The following RAD51B variants were observed in gnomAD, a reference collection of about 807,000 sequenced individuals.
RAD51B encodes DNA repair protein RAD51 homolog 2.
RAD51B carries 38 observed loss-of-function variants against 42.2 expected under a neutral mutation model. The observed-to-expected ratio is 0.90, with a 90% CI of 0.70 to 1.18. The LOEUF (loss-of-function observed/expected upper bound fraction) is 1.18. RAD51B is among the 50% of genes most tolerant of loss of function. The pLI is 0.00. For missense variants in RAD51B, 373 were observed against 400.7 expected (o/e 0.93, Z 0.59); for synonymous variants, 154 against 145.2 (o/e 1.06, Z -0.43).
chr14:68,677,711 G>A (rs1245416293), intron 11 of RAD51B, among the ~76,000 whole-genome samples: 4 of 152,304 alleles, frequency 2.6e-5, no homozygotes, highest in South Asian at 2.1e-4. Context: ...GACACCATCC[G>A]TGTAGTAAGG....
chr14:68,398,015 A>C (rs2083975951), intron 8 of RAD51B, among the ~76,000 whole-genome samples: 1 of 152,194 alleles, frequency 6.6e-6, no homozygotes, highest in African/African-American at 2.4e-5. Context: ...CTTCCCAAAG[A>C]GGCTGATGGA....
chr14:68,299,550 T>C (rs1325367916), intron 8 of RAD51B, among the ~76,000 whole-genome samples: 3 of 152,180 alleles, frequency 2.0e-5, no homozygotes, highest in Non-Finnish European at 4.4e-5. Context: ...CCATTTTATA[T>C]AAAGGACTTG....
chr14:68,176,230 T>C (rs2078960200), intron 7 of RAD51B, among the ~76,000 whole-genome samples: 1 of 152,204 alleles, frequency 6.6e-6, no homozygotes, highest in Non-Finnish European at 1.5e-5. Flanking sequence ...AAGTAACACG[T>C]ATCTATTTTT....
At chr14:68,581,596 G>T (rs1186336806) in intron 10 of RAD51B, among the ~76,000 whole-genome samples, 1 of 152,132 alleles carries the variant, frequency 6.6e-6, no homozygotes, top group African/African-American at 2.4e-5. Context: ...GTAATTTGTA[G>T]ATTCAATGCT....
intron 10 of RAD51B, among the ~76,000 whole-genome samples, chr14:68,621,502 G>T (rs1891947683): frequency 6.6e-6 from 1 of 152,166 alleles, no homozygotes; most frequent in Non-Finnish European, 1.5e-5. Flanking sequence ...AACTAAAAAG[G>T]GCAGCTGAGC....
At chr14:68,226,464 G>A (rs968368595) in intron 7 of RAD51B, among the ~76,000 whole-genome samples, 9 of 152,220 alleles carry the variant, frequency 5.9e-5, no homozygotes, top group South Asian at 2.1e-4. Flanking sequence ...AGAGGGACCC[G>A]GTGGGAGGTA....
chr14:68,193,568 A>C (rs548217695), intron 7 of RAD51B, among the ~76,000 whole-genome samples: 1 of 152,362 alleles, frequency 6.6e-6, no homozygotes, highest in East Asian at 1.9e-4. Context: ...ACTTGGTAAA[A>C]TTCAAAATTC....
intron 7 of RAD51B, among the ~76,000 whole-genome samples, chr14:68,182,590 T>C (rs1330126713): frequency 6.6e-6 from 1 of 152,238 alleles, no homozygotes; most frequent in East Asian, 1.9e-4. Context: ...TGTGTGTGTG[T>C]GCATGCATCC....
intron 7 of RAD51B, among the ~76,000 whole-genome samples, chr14:67,977,671 T>G (rs1277448975): frequency 6.6e-6 from 1 of 151,788 alleles, no homozygotes; most frequent in African/African-American, 2.4e-5. Flanking sequence ...AATTGAAATT[T>G]TGTGTTAGCT....
intron 9 of RAD51B, among the ~76,000 whole-genome samples, chr14:68,460,112 T>A (rs1436715059): frequency 6.6e-6 from 1 of 152,176 alleles, no homozygotes; most frequent in East Asian, 1.9e-4. Flanking sequence ...AGGTTGGGGC[T>A]GTATTGCAGG....
Position 67,840,684 on chromosome 14 carries a change from T to G in RAD51B, c.315+5488T>G, listed in dbSNP as rs552932188. 1.7e-4 allele frequency among the ~76,000 whole-genome samples: 26 copies of G among 152,352 alleles called. No homozygotes were observed. The East Asian group carries it at 1.7e-3, about 10-fold the overall frequency. On this transcript the variant is annotated intron_variant, in intron 4 of 10. Coordinates refer to ENST00000471583, the MANE Select transcript of RAD51B (RefSeq NM_133510.4). ...TGCTGGCTCAAATGGTAGCTCTGTT[T>G]TAAGTTCTTTGGGAGATCTCCAAAC...
At chr14:68,641,619 T>C (rs1301947395) in intron 10 of RAD51B, among the ~76,000 whole-genome samples, 1 of 128,598 alleles carries the variant, frequency 7.8e-6, no homozygotes, top group East Asian at 1.9e-4. Context: ...GAAATTCCCC[T>C]GTATTTCTAG....
At chr14:68,598,876 G>A (rs1891107019), downstream of RAD51B, among the ~76,000 whole-genome samples, 1 of 152,140 alleles carries the variant, frequency 6.6e-6, no homozygotes, top group Non-Finnish European at 1.5e-5. Context: ...TAGTAACTGG[G>A]TTAAAGTCCG....
At chr14:68,569,005 C>T (rs1424510212) in intron 10 of RAD51B, among the ~76,000 whole-genome samples, 1 of 152,188 alleles carries the variant, frequency 6.6e-6, no homozygotes, top group Non-Finnish European at 1.5e-5. Flanking sequence ...ATGCATGGTC[C>T]AATCTCAGAG....
intron 7 of RAD51B, among the ~76,000 whole-genome samples, chr14:68,188,715 A>G (rs1473883913): frequency 1.3e-5 from 2 of 152,194 alleles, no homozygotes; most frequent in Non-Finnish European, 2.9e-5. Flanking sequence ...CCACCTAGAA[A>G]CAAATCTGAT....
At chr14:68,673,522 A>G (rs1893210709) in intron 11 of RAD51B, among the ~76,000 whole-genome samples, 1 of 151,786 alleles carries the variant, frequency 6.6e-6, no homozygotes, top group Non-Finnish European at 1.5e-5. Flanking sequence ...ACACATATGT[A>G]CGCGCACACA....
chr14:68,466,313 G>A (rs935995530), intron 9 of RAD51B, among the ~76,000 whole-genome samples: 3 of 152,140 alleles, frequency 2.0e-5, no homozygotes, highest in East Asian at 3.8e-4. Flanking sequence ...CACAGTGACA[G>A]GTATTTTGTA....
At chr14:67,907,087 G>T (rs1209647366) in intron 7 of RAD51B, among the ~76,000 whole-genome samples, 3 of 152,090 alleles carry the variant, frequency 2.0e-5, no homozygotes, top group Admixed American at 2.0e-4. Context: ...GGGATTACAG[G>T]TGTGAGCCAC....
At chr14:68,448,082 G>T (rs1357536477) in intron 9 of RAD51B, among the ~76,000 whole-genome samples, 1 of 152,228 alleles carries the variant, frequency 6.6e-6, no homozygotes, top group African/African-American at 2.4e-5. Flanking sequence ...TGAGCCTGGA[G>T]CAGCCAGTTG....
Sources: allele counts gnomAD v4.1 joint callset (sites outside exome capture counted in the v4.1 genomes callset), GRCh38; gene constraint gnomAD v4.1.1; transcripts MANE v1.5; gene names NCBI Gene and HGNC (gene_info 2026-07-23, HGNC 2026-07-21).